The following TACC2 variants were observed in gnomAD, a reference collection of about 807,000 sequenced individuals.
TACC2 encodes the protein transforming acidic coiled-coil-containing protein 2.
TACC2 carries 137 observed loss-of-function variants against 227.3 expected under a neutral mutation model. The observed-to-expected ratio is 0.60, with a 90% CI of 0.52 to 0.69. The LOEUF is 0.69. TACC2 is among the 30% of genes least tolerant of loss of function. The probability of loss-of-function intolerance (pLI) is 0.00; values close to 1 mark genes in which losing one functional copy is unlikely to be tolerated. For synonymous variants in TACC2, 1,523 were observed against 1,487.5 expected (o/e 1.02, Z -0.55); for missense variants, 3,470 against 3,694.4 (o/e 0.94, Z 1.57).
At chr10:122,124,726 C>T (rs2086502498) in intron 5 of TACC2, among the ~76,000 whole-genome samples, 1 of 152,190 alleles carries the variant, frequency 6.6e-6, no homozygotes, top group Non-Finnish European at 1.5e-5. Context: ...AGTACAATTC[C>T]TGATTTACAG....
chr10:122,107,955 G>C (rs1345988083), intron 5 of TACC2, among the ~76,000 whole-genome samples: 2 of 143,206 alleles, frequency 1.4e-5, no homozygotes, highest in African/African-American at 2.6e-5. Flanking sequence ...GCAGTGGTGC[G>C]ATCTTGGCTC....
chr10:122,205,144 G>A lies in TACC2; in HGVS notation c.5972-5253G>A, dbSNP rs148522602. Among the ~76,000 whole-genome samples the A allele has an allele frequency of 6.6e-5, 10 of 152,298 alleles. No homozygotes were observed. The highest frequency in any genetic ancestry group is 1.0e-4 in the Non-Finnish European group (7 of 68,030). On this transcript the variant is annotated intron_variant, in intron 8 of 22. Coordinates refer to ENST00000369005, the MANE Select transcript of TACC2 (RefSeq NM_206862.4). The surrounding 1 kb of genome is among the most constrained non-coding windows in gnomAD (Gnocchi z 4.5). ...TCAGTAACTGTCCCCACAGTGCCTCGACGGCACTTTTCCCTCTTGGTTTCT... is the reference window on the plus strand; with the variant it reads ...TCAGTAACTGTCCCCACAGTGCCTCAACGGCACTTTTCCCTCTTGGTTTCT...
rs561072916 is a variant in TACC2, at chr10:122,170,008, C to T, written c.5835-25032C>T. Among the ~76,000 whole-genome samples the T allele has an allele frequency of 4.6e-5, 7 of 152,260 alleles. No homozygotes were observed. The South Asian group carries it at 1.5e-3, about 32-fold the overall frequency. On this transcript the variant is annotated intron_variant, in intron 7 of 22. Transcript: ENST00000369005. ...TCAAGTGATTCTCCCGCCTTGGCCT[C>T]CCAAAATGCTAGGATTACAGGCATG...
intron 8 of TACC2, among the ~76,000 whole-genome samples, chr10:122,198,411 G>T (rs1010887439): frequency 6.6e-6 from 1 of 152,178 alleles, no homozygotes; most frequent in Non-Finnish European, 1.5e-5. Context: ...GGAATGGTTG[G>T]CTGATGTACA....
At chr10:121,999,068 G>A (rs1953943714) in intron 1 of TACC2, among the ~76,000 whole-genome samples, 1 of 151,446 alleles carries the variant, frequency 6.6e-6, no homozygotes, top group South Asian at 2.1e-4. Context: ...GAGTGCAGTG[G>A]CATGATCTCG....
At chr10:122,252,284 C>G (rs2096267626) in intron 22 of TACC2, among the ~76,000 whole-genome samples, 2 of 152,138 alleles carry the variant, frequency 1.3e-5, no homozygotes, top group Non-Finnish European at 2.9e-5. Flanking sequence ...ATACACAACC[C>G]TTAACTTCTC....
intron 3 of TACC2, 24 bp from the exon 4 acceptor site, chr10:122,082,623 C>G: frequency 6.3e-7 from 1 of 1,586,064 alleles, no homozygotes; most frequent in East Asian, 2.2e-5. Flanking sequence ...CCATGATAAC[C>G]AATGAAACAT....
chr10:122,139,766 A>T (rs1771396442), intron 6 of TACC2, among the ~76,000 whole-genome samples: 1 of 152,170 alleles, frequency 6.6e-6, no homozygotes, highest in African/African-American at 2.4e-5. Flanking sequence ...TGCCTTCCAG[A>T]TGGTGATGTG....
At chr10:122,169,291 A>G (rs1370873599) in intron 7 of TACC2, among the ~76,000 whole-genome samples, 1 of 152,222 alleles carries the variant, frequency 6.6e-6, no homozygotes, top group Non-Finnish European at 1.5e-5. Flanking sequence ...CTTGTGTACC[A>G]TGTCTGTGTG....
intron 2 of TACC2, among the ~76,000 whole-genome samples, chr10:122,026,313 C>CAAAAAAA (rs71022883): frequency 7.0e-5 from 5 of 71,206 alleles, no homozygotes; most frequent in East Asian, 4.6e-4. Flanking sequence ...GACTCTGTCT[C>CAAAAAAA]AAAAAAAAAA....
At chr10:122,232,053 G>T (rs758227516) in intron 16 of TACC2, among the ~76,000 whole-genome samples, 1 of 152,230 alleles carries the variant, frequency 6.6e-6, no homozygotes, top group Non-Finnish European at 1.5e-5. Context: ...TACACTGTGG[G>T]TGTGCAGGCT....
chr10:122,064,271 C>T (rs936345821), intron 3 of TACC2, among the ~76,000 whole-genome samples: 4 of 152,132 alleles, frequency 2.6e-5, no homozygotes, highest in Admixed American at 6.6e-5. Context: ...ACCGAAAAAT[C>T]GTGTAGCTAT....
At chr10:122,146,617 C>T (rs1212664801) in intron 7 of TACC2, among the ~76,000 whole-genome samples, 1 of 152,108 alleles carries the variant, frequency 6.6e-6, no homozygotes, top group East Asian at 1.9e-4. Context: ...TGCAGAGTCC[C>T]CACCAGCAAG....
At chr10:122,080,259 G>T (rs182619226) in intron 3 of TACC2, among the ~76,000 whole-genome samples, 19 of 139,262 alleles carry the variant, frequency 1.4e-4, no homozygotes, top group Non-Finnish European at 2.1e-4. Context: ...TTGAGACAGA[G>T]TCTCACTCTG....
chr10:122,084,137 C>G lies in TACC2; in HGVS notation c.1637C>G (p.Pro546Arg), dbSNP rs781755154. The G allele has an allele frequency of 3.1e-6, 5 of 1,614,110 alleles. No homozygotes were observed. Among genetic ancestry groups the G allele is most frequent in the Non-Finnish European group, 3.4e-6 (4 of 1,180,038 alleles). Residue 546 changes from proline to arginine, a missense_variant, in exon 4 of 23, where the codon CCA becomes CGA. Physicochemically the swap from Pro to Arg is moderately radical, Grantham distance 103. Around this residue, in one of 10 missense-constraint regions of TACC2, gnomAD observed 1,924 missense variants for 1,978.3 expected, o/e 0.97. Transcript: ENST00000369005. ...PKAPSESARG[P>R]PGPTDGAKVH... ...GCACCAAGTGAAAGTGCCAGAGGGC[C>G]ACCGGGGCCAACGGATGGAGCCAAG...
rs2095600446 is a variant in TACC2 at position 122,225,089 on chromosome 10, G to A, written c.7608+302G>A. Among the ~76,000 whole-genome samples, 4 of 151,704 alleles carry A rather than the reference G, an allele frequency of 2.6e-5. No homozygotes were observed. In the South Asian group the frequency reaches 8.3e-4, roughly 32 times the overall value. ...TAAAAAAAAAAAAAAAAGAGGTGGT[G>A]ATGGTTTTTCAGGTATACGATTAGC... On this transcript the variant is annotated intron_variant, in intron 12 of 22. Transcript: ENST00000369005.
chr10:122,247,957 AGGTGG>A (rs2096164370), intron 19 of TACC2: 1 of 152,202 alleles, frequency 6.6e-6, no homozygotes, highest in East Asian at 1.9e-4. Context: ...AGGGCCGGAG[AGGTGG>A]GGCAGAGGAC....
At chr10:122,169,891 C>T (rs28676552) in intron 7 of TACC2, among the ~76,000 whole-genome samples, 66 of 152,110 alleles carry the variant, frequency 4.3e-4, no homozygotes, top group African/African-American at 1.3e-3. Context: ...GCTGGGAATA[C>T]GGGTGCACGC....
chr10:122,132,649 G>T lies in TACC2; in HGVS notation c.5614G>T (p.Ala1872Ser). The T allele has an allele frequency of 6.2e-7, 1 of 1,614,040 alleles. No homozygotes were observed. Residue 1872 changes from alanine (A) to serine (S), a missense_variant, in exon 6 of 23, where the codon GCA becomes TCA. Ala to Ser is a moderately conservative substitution (Grantham distance 99, BLOSUM62 1). This residue lies in a region of TACC2 where 1,924 missense variants were observed against 1,978.3 expected (regional missense o/e 0.97). Transcript: ENST00000369005. ...ADDIIQPAAP[A>S]DLESPTLAAS... is the part of the protein sequence containing the mutation. ...TGATATCATCCAGCCCGCTGCCCCC[G>T]CAGACCTGGAAAGCCCAACCTTAGC...
Sources: gnomAD v4.1 joint callset for allele counts (sites outside exome capture counted in the v4.1 genomes callset) on GRCh38, gnomAD v4.1.1 for gene constraint, gnomAD v4.1.1 regional missense constraint, Gnocchi (gnomAD v3.1) non-coding constraint, MANE v1.5 for transcripts, NCBI Gene and HGNC (gene_info 2026-07-23, HGNC 2026-07-21) for gene names.